The following WBP2NL variants were observed in gnomAD, a reference collection of about 807,000 sequenced individuals.
WBP2NL encodes the protein postacrosomal sheath WW domain-binding protein.
WBP2NL carries 27 observed loss-of-function variants against 23.3 expected under a neutral mutation model. That is an observed-to-expected ratio of 1.16 (90% CI 0.85 to 1.60). WBP2NL has a LOEUF of 1.60. Ranked by LOEUF, WBP2NL falls within the 40% of genes most tolerant of loss-of-function variation. The pLI, the probability that WBP2NL is intolerant of heterozygous loss-of-function variation, is 0.00. For synonymous variants in WBP2NL, 151 were observed against 145.9 expected, an observed-to-expected ratio of 1.03 and a Z score of -0.25; for missense variants, 370 against 389.5, an observed-to-expected ratio of 0.95 and a Z score of 0.42.
chr22:42,038,835 C>T (rs567369752), intron 8 of WBP2NL, among the ~76,000 whole-genome samples: 1 of 152,242 alleles, frequency 6.6e-6, no homozygotes, highest in East Asian at 1.9e-4. Flanking sequence ...ATCTCCTGAC[C>T]TCAGGTGATA....
In WBP2NL at chr22:42,022,300, G is replaced by A. The variant is rs746671406; in HGVS notation, c.458G>A (p.Gly153Glu). The A allele has an allele frequency of 2.5e-6, 4 of 1,614,028 alleles. No individual in the cohort carries two copies. In the African/African-American group the frequency reaches 5.3e-5, roughly 22 times the overall value. ...TTAAATGACTGGTTCAGCTCTATGG[G>A]AATTTATGTAATTACTGGGGAAGGG... is the stretch of plus-strand genomic sequence containing the variant. ...RTLNDWFSSM[G>E]IYVITGEGNM... The change falls in exon 5 of 6, where the codon GGA (glycine) becomes GAA (glutamate). Residue 153 changes from glycine (G) to glutamate (E), a missense_variant. Transcript: ENST00000328823.
chr22:42,008,120 T>TC, intron 1 of WBP2NL, among the ~76,000 whole-genome samples: 1 of 124,902 alleles, frequency 8.0e-6, no homozygotes, highest in Non-Finnish European at 1.8e-5. Flanking sequence ...TCCTTTCCTT[T>TC]GCTTTCCTTT....
intron 1 of WBP2NL, among the ~76,000 whole-genome samples, chr22:42,015,826 T>C (rs1923256986): frequency 6.6e-6 from 1 of 152,198 alleles, no homozygotes; most frequent in Non-Finnish European, 1.5e-5. Flanking sequence ...TGTGTATGGC[T>C]TTCTTGTTTC....
At chr22:42,019,858 G>T in intron 3 of WBP2NL, 55 bp downstream of exon 3, 1 of 1,606,538 alleles carries the variant, frequency 6.2e-7, no homozygotes, top group Non-Finnish European at 8.5e-7. Flanking sequence ...CTTCTAAAAG[G>T]TTTAAGATTC....
chr22:42,027,137 G>A lies in WBP2NL; in HGVS notation c.886G>A (p.Glu296Lys), dbSNP rs370522433. Residue 296 changes from glutamate to lysine, a missense_variant, in exon 6 of 6, where the codon GAG (glutamate) becomes AAG (lysine). By Grantham distance (56) the Glu-to-Lys change is moderately conservative (BLOSUM62 1). Transcript: ENST00000328823. ...ESTAAQAPEN[E>K]ASLPSASSSQ... ...TACAGCAGCCCAGGCTCCTGAAAACGAGGCTTCTCTTCCCTCTGCCTCCTC... is the reference window on the plus strand; with the variant it reads ...TACAGCAGCCCAGGCTCCTGAAAACAAGGCTTCTCTTCCCTCTGCCTCCTC... The A allele has an allele frequency of 7.5e-5, 121 of 1,613,876 alleles. No individual in the cohort carries two copies. Among genetic ancestry groups the A allele is most frequent in the Non-Finnish European group, 9.6e-5 (113 of 1,179,968 alleles).
chr22:42,004,661 C>A (rs1922035529), intron 1 of WBP2NL, among the ~76,000 whole-genome samples: 1 of 152,036 alleles, frequency 6.6e-6, no homozygotes, highest in Non-Finnish European at 1.5e-5. Context: ...CAGTGGCTCA[C>A]GGTTGTAATC....
chr22:42,039,179 C>A (rs956909327), intron 8 of WBP2NL, among the ~76,000 whole-genome samples: 2 of 151,514 alleles, frequency 1.3e-5, no homozygotes, highest in African/African-American at 4.9e-5. Context: ...TCAAGCAATT[C>A]TCTTGCCTCC....
downstream of WBP2NL, among the ~76,000 whole-genome samples, chr22:42,034,596 G>A (rs543407140): frequency 6.6e-6 from 1 of 152,138 alleles, no homozygotes; most frequent in African/African-American, 2.4e-5. Flanking sequence ...GAGATCACCC[G>A]GTCTGACCAA....
At chr22:42,056,452 T>C (rs1377633433) in intron 8 of WBP2NL, among the ~76,000 whole-genome samples, 1 of 152,194 alleles carries the variant, frequency 6.6e-6, no homozygotes, top group African/African-American at 2.4e-5. Context: ...TATTTACTTA[T>C]GTAGTTCCAT....
downstream of WBP2NL, among the ~76,000 whole-genome samples, chr22:42,028,927 A>G (rs569862159): frequency 1.3e-5 from 2 of 152,352 alleles, no homozygotes; most frequent in South Asian, 2.1e-4. Flanking sequence ...TTAAGTGCCA[A>G]TAATGGCCTC....
At chr22:42,004,105 T>A (rs1333905796) in intron 1 of WBP2NL, among the ~76,000 whole-genome samples, 1 of 152,022 alleles carries the variant, frequency 6.6e-6, no homozygotes, top group Non-Finnish European at 1.5e-5. Flanking sequence ...ACCCTGTCTC[T>A]ACTAAGAATA....
chr22:42,031,185 C>G (rs1166984902), downstream of WBP2NL: 1 of 152,242 alleles, frequency 6.6e-6, no homozygotes, highest in Non-Finnish European at 1.5e-5. Context: ...GGCACACCTA[C>G]TGTTAGTTAG....
intron 1 of WBP2NL, chr22:42,002,078 C>T (rs1227335315): frequency 9.1e-6 from 4 of 439,366 alleles, no homozygotes; most frequent in Non-Finnish European, 1.6e-5. Flanking sequence ...TCTTCTCACT[C>T]GGGCTATGGG....
intron 8 of WBP2NL, among the ~76,000 whole-genome samples, chr22:42,042,392 A>G (rs998874034): frequency 6.6e-6 from 1 of 152,136 alleles, no homozygotes; most frequent in African/African-American, 2.4e-5. Context: ...ATAATTTCAA[A>G]TAACCTGTTT....
chr22:42,019,146 G>A (rs1923631032), intron 1 of WBP2NL, among the ~76,000 whole-genome samples, 165 bp from the exon 2 acceptor site: 1 of 151,938 alleles, frequency 6.6e-6, no homozygotes, highest in African/African-American at 2.4e-5. Flanking sequence ...GTGTGAACCC[G>A]GGAGGCGGAG....
At chr22:42,004,041 G>A (rs529941593) in intron 1 of WBP2NL, among the ~76,000 whole-genome samples, 1 of 152,354 alleles carries the variant, frequency 6.6e-6, no homozygotes, top group East Asian at 1.9e-4. Context: ...GGAGGCCGAG[G>A]CAGGTGGGTC....
At chr22:42,042,930 T>C (rs1925448121) in intron 8 of WBP2NL, among the ~76,000 whole-genome samples, 1 of 143,014 alleles carries the variant, frequency 7.0e-6, no homozygotes. Flanking sequence ...CCAGGCGTGG[T>C]GGTATACACC....
At chr22:42,016,276 C>T (rs1264506878) in intron 1 of WBP2NL, among the ~76,000 whole-genome samples, 3 of 152,080 alleles carry the variant, frequency 2.0e-5, no homozygotes, top group South Asian at 2.1e-4. Context: ...CCACCGGACC[C>T]GGCCGGAAAT....
In WBP2NL at chr22:42,019,658, G is replaced by C. The variant is rs560145489; in HGVS notation, c.172-4G>C. ...CCTTTTCCAAAGTTTCTGTCCTTGC[G>C]TAGGTGATTTTCATAACTTCATGCT... On this transcript the variant is annotated splice_region_variant and splice_polypyrimidine_tract_variant and intron_variant, in intron 2 of 5. Coordinates refer to ENST00000328823, the MANE Select transcript of WBP2NL (RefSeq NM_152613.3). 1.2e-6 allele frequency: 2 copies of C among 1,613,804 alleles called. No homozygotes were observed. Among genetic ancestry groups the C allele is most frequent in the African/African-American group, 2.7e-5 (2 of 74,918 alleles).
Sources: gnomAD v4.1 joint callset for allele counts (sites outside exome capture counted in the v4.1 genomes callset) on GRCh38, gnomAD v4.1.1 for gene constraint, MANE v1.5 for transcripts, NCBI Gene and HGNC (gene_info 2026-07-23, HGNC 2026-07-21) for gene names.